Variants in PRDM14 observed in about 807,000 individuals in gnomAD.
PRDM14 encodes PR domain zinc finger protein 14.
In PRDM14, 16 loss-of-function variants were observed where a neutral mutation model predicts 48.0. That is an observed-to-expected ratio of 0.33 (90% confidence interval 0.23 to 0.51). The LOEUF (loss-of-function observed/expected upper bound fraction) is 0.51. PRDM14 is among the 20% of genes least tolerant of loss of function. The pLI is 0.97. For synonymous variants in PRDM14, 264 were observed against 276.6 expected (o/e 0.95, Z 0.45); for missense variants, 566 against 719.6 (o/e 0.79, Z 2.44).
intron 4 of PRDM14, among the ~76,000 whole-genome samples, chr8:70,067,448 G>A (rs1805687307): frequency 6.6e-6 from 1 of 151,430 alleles, no homozygotes; most frequent in South Asian, 2.1e-4. Flanking sequence ...AACCCAGGAG[G>A]TGGAGGTCAC....
chr8:70,066,883 G>A (rs1039003692), intron 4 of PRDM14, among the ~76,000 whole-genome samples: 4 of 151,892 alleles, frequency 2.6e-5, no homozygotes, highest in Non-Finnish European at 1.5e-5. Flanking sequence ...GCACCATCAC[G>A]CCTGGCAAAT....
chr8:70,066,365 C>T lies in PRDM14; in HGVS notation c.1053G>A (p.Glu351=), dbSNP rs377593410. ...GGTTCTGATGGATCTCTTTGCAGCT[C>T]TCATAAAATATATGCCCTTGACACT... The part of the protein sequence containing the change: ...AVQCQGHIFY[E]SCKEIHQNQE... The change falls in exon 5 of 8, where the codon GAG becomes GAA. Residue 351 remains glutamate (E), a synonymous_variant. Transcript: ENST00000276594. 98 of 1,614,042 alleles carry T rather than the reference C, an allele frequency of 6.1e-5. No homozygotes were observed. The highest frequency in any genetic ancestry group is 7.6e-5 in the Non-Finnish European group (90 of 1,180,032).
Position 70,068,327 on chromosome 8 carries a change from C to G in PRDM14, c.815G>C (p.Ser272Thr), listed in dbSNP as rs1195534513. The G allele has an allele frequency of 6.2e-7, 1 of 1,614,218 alleles. No individual in the cohort carries two copies. Among genetic ancestry groups the G allele is most frequent in the Non-Finnish European group, 8.5e-7 (1 of 1,180,046 alleles). ...EVPHFGVFCS[S>T]FIAKGVRFGP... ...AAACCTGACTCCTTTGGCGATAAAA[C>G]TACTGCAGAACACACCAAAATGTGG... The change falls in exon 4 of 8, where the codon AGT becomes ACT. Residue 272 changes from serine to threonine, a missense_variant. Physicochemically the swap from Ser to Thr is moderately conservative, Grantham distance 58. This residue lies in a region of PRDM14 where 410 missense variants were observed against 424.6 expected (regional missense o/e 0.97). Transcript: ENST00000276594.
rs1291251826 is a variant in PRDM14, at chr8:70,052,060, C to A, written c.*17G>T. On this transcript the variant is annotated 3_prime_UTR_variant, in exon 8 of 8. Coordinates refer to ENST00000276594, the MANE Select transcript of PRDM14 (RefSeq NM_024504.4). ...AAGTGCTGGGATTACAGGCGTGAGT[C>A]ATTGTGCCTGGCAGGGCTAGTAGTC... 2 of 1,553,506 alleles carry A rather than the reference C, an allele frequency of 1.3e-6. No individual in the cohort carries two copies. The highest frequency in any genetic ancestry group is 1.7e-5 in the Admixed American group (1 of 58,598).
chr8:70,068,286 T>TA lies in PRDM14; in HGVS notation c.855dup (p.Lys286Ter). ...TTCACTTCACTGGCATTGACCACTT[T>TA]ACCTTGAAAGGGCCCAAACCTGACT... On this transcript the variant is annotated frameshift_variant, in exon 4 of 8. Transcript: ENST00000276594. LOFTEE classifies it high-confidence loss of function. 6.2e-7 allele frequency: 1 copy of TA among 1,614,214 alleles called. No individual in the cohort carries two copies. Among genetic ancestry groups the TA allele is most frequent in the Non-Finnish European group, 8.5e-7 (1 of 1,180,040 alleles).
intron 6 of PRDM14, among the ~76,000 whole-genome samples, chr8:70,056,968 C>CT (rs34066424): frequency 1.8e-3 from 252 of 137,910 alleles, no homozygotes; most frequent in African/African-American, 3.0e-3. Context: ...AGTTTCTTTT[C>CT]TTTTTTTTTT....
intron 1 of PRDM14, among the ~76,000 whole-genome samples, chr8:70,070,156 C>G (rs1264517488): frequency 6.6e-6 from 1 of 152,246 alleles, no homozygotes; most frequent in Non-Finnish European, 1.5e-5. Context: ...CCTTCCCTCT[C>G]CAAGCACCCC....
Position 70,052,114 on chromosome 8 carries a change from G to A in PRDM14, c.1679C>T (p.Thr560Ile). The A allele has an allele frequency of 6.2e-7, 1 of 1,611,738 alleles. No homozygotes were observed. Among genetic ancestry groups the A allele is most frequent in the Non-Finnish European group, 8.5e-7 (1 of 1,179,238 alleles). ...ICGKIFSDQETFYSHMKFHED... is the reference protein window; with the variant it reads ...ICGKIFSDQEIFYSHMKFHED... ...ATGAAACTTCATGTGGGAGTAGAAT[G>A]TTTCTTGATCTGAGAAGATTTTCCC... The change falls in exon 8 of 8, where the codon ACA becomes ATA. Residue 560 changes from threonine to isoleucine, a missense_variant. Thr to Ile is a moderately conservative substitution (Grantham distance 89). Coordinates refer to ENST00000276594, the MANE Select transcript of PRDM14 (RefSeq NM_024504.4).
intron 4 of PRDM14, among the ~76,000 whole-genome samples, chr8:70,066,870 C>A (rs574558179): frequency 6.6e-6 from 1 of 152,100 alleles, no homozygotes; most frequent in East Asian, 1.9e-4. Flanking sequence ...GAACTAAAGG[C>A]ATGCACCATC....
At chr8:70,064,523 C>CT (rs1170368852) in intron 5 of PRDM14, among the ~76,000 whole-genome samples, 3,181 of 136,106 alleles carry the variant, frequency 0.023, 160 homozygotes, top group African/African-American at 0.071. Flanking sequence ...ATGCAATTTA[C>CT]TTTTTTTTTT....
chr8:70,070,913 G>A (rs1248829442), intron 1 of PRDM14, among the ~76,000 whole-genome samples: 4 of 152,300 alleles, frequency 2.6e-5, no homozygotes, highest in Middle Eastern at 3.4e-3. Flanking sequence ...AAAGAACACG[G>A]GGTCAGGAGA....
intron 7 of PRDM14, among the ~76,000 whole-genome samples, chr8:70,053,354 A>G (rs1256527651): frequency 6.7e-6 from 1 of 149,610 alleles, no homozygotes; most frequent in African/African-American, 2.5e-5. Context: ...TTTAATTTAA[A>G]CTTTTTGAGA....
In PRDM14 at chr8:70,061,663, A is replaced by G. The variant is rs535770996; in HGVS notation, c.1184-2821T>C. Among the ~76,000 whole-genome samples, 5 of 152,298 alleles carry G rather than the reference A, an allele frequency of 3.3e-5. No individual in the cohort carries two copies. In the South Asian group the frequency reaches 1.0e-3, roughly 32 times the overall value. On this transcript the variant is annotated intron_variant, in intron 5 of 7. Coordinates refer to ENST00000276594, the MANE Select transcript of PRDM14 (RefSeq NM_024504.4). ...GGGAAGAGAGGGTCAGCAATTTTAC[A>G]AACCTAAGCACTAAAGCACACCAAA...
intron 7 of PRDM14, among the ~76,000 whole-genome samples, chr8:70,052,865 CAAAAAAAAAAAAAA>C (rs71275047): frequency 4.6e-3 from 112 of 24,338 alleles, no homozygotes; most frequent in Non-Finnish European, 6.7e-3. Flanking sequence ...ACTCTGTCTC[CAAAAAAAAAAAAAA>C]AAAAAAAAAA....
At chr8:70,064,813 C>A (rs1193506444) in intron 5 of PRDM14, among the ~76,000 whole-genome samples, 1 of 149,260 alleles carries the variant, frequency 6.7e-6, no homozygotes, top group Non-Finnish European at 1.5e-5. Flanking sequence ...CGTGGGCCAC[C>A]ACGCCTGGGC....
intron 7 of PRDM14, among the ~76,000 whole-genome samples, 162 bp from the exon 8 acceptor site, chr8:70,052,466 G>A (rs190099119): frequency 2.4e-4 from 36 of 152,260 alleles, no homozygotes; most frequent in Admixed American, 9.2e-4. Context: ...GCCTTAATCC[G>A]AAAGGACTCC....
At chr8:70,064,613 C>G (rs1255443283) in intron 5 of PRDM14, among the ~76,000 whole-genome samples, 1 of 151,728 alleles carries the variant, frequency 6.6e-6, no homozygotes, top group Non-Finnish European at 1.5e-5. Context: ...CAAGCTCCCC[C>G]TGCTGGGTTC....
chr8:70,057,309 G>T lies in PRDM14; in HGVS notation c.1386+1331C>A, dbSNP rs949745947. The stretch of plus-strand genomic sequence containing the variant: ...CATTCTATACATCTTCTGTAATTTG[G>T]TTTTTGCTTGATAAGACAATATTTT... On this transcript the variant is annotated intron_variant, in intron 6 of 7. Coordinates refer to ENST00000276594, the MANE Select transcript of PRDM14 (RefSeq NM_024504.4). Among the ~76,000 whole-genome samples, 5 of 147,954 alleles carry T rather than the reference G, an allele frequency of 3.4e-5. No homozygotes were observed. In the East Asian group the frequency reaches 5.9e-4, roughly 17 times the overall value.
chr8:70,052,949 AT>A (rs1805413300), intron 7 of PRDM14, among the ~76,000 whole-genome samples: 2 of 150,900 alleles, frequency 1.3e-5, no homozygotes, highest in Non-Finnish European at 3.0e-5. Context: ...AAGTAAAAAA[AT>A]TACCTAGGCA....
Sources: allele counts gnomAD v4.1 joint callset (sites outside exome capture counted in the v4.1 genomes callset), GRCh38; gene constraint gnomAD v4.1.1; regional missense constraint gnomAD v4.1.1; transcripts MANE v1.5; gene names NCBI Gene and HGNC (gene_info 2026-07-23, HGNC 2026-07-21).